The following ST6GAL2 variants were observed in gnomAD, a reference collection of about 807,000 sequenced individuals.
ST6GAL2 encodes the protein beta-galactoside alpha-2,6-sialyltransferase 2.
In ST6GAL2, 24 loss-of-function variants were observed where a neutral mutation model predicts 37.5. That is an observed-to-expected ratio of 0.64 (90% confidence interval 0.46 to 0.90). The LOEUF (loss-of-function observed/expected upper bound fraction) is 0.90. Ranked by LOEUF, ST6GAL2 falls within the 40% of genes least tolerant of loss-of-function variation. The probability of loss-of-function intolerance (pLI) is 0.00; values close to 1 mark genes in which losing one functional copy is unlikely to be tolerated. For missense variants in ST6GAL2, 715 were observed against 712.7 expected, an observed-to-expected ratio of 1.00 and a Z score of -0.04; for synonymous variants, 306 against 295.1, an observed-to-expected ratio of 1.04 and a Z score of -0.38.
At chr2:106,833,488 C>A (rs140949093) in intron 3 of ST6GAL2, among the ~76,000 whole-genome samples, 1 of 152,264 alleles carries the variant, frequency 6.6e-6, no homozygotes, top group African/African-American at 2.4e-5. Flanking sequence ...TCACTTTTTT[C>A]TACATATTTT....
intron 1 of ST6GAL2, among the ~76,000 whole-genome samples, chr2:106,864,006 C>T (rs1677917444): frequency 6.6e-6 from 1 of 152,182 alleles, no homozygotes; most frequent in Non-Finnish European, 1.5e-5. Context: ...GCCCATGATC[C>T]TGTCATGTCA....
In ST6GAL2 at chr2:106,843,254, G is replaced by A. The variant is rs371937457; in HGVS notation, c.724C>T (p.Arg242Trp). ...TGTGCCCTGCTCAGCCCGGCCTCCC[G>A]CTTCCCGCGGAAGCGCACCCCGTGC... ...NKHGVRFRGKREAGLSRAQLL... is the reference protein window; with the variant it reads ...NKHGVRFRGKWEAGLSRAQLL... The change falls in exon 2 of 6, where the codon CGG becomes TGG. Residue 242 changes from arginine to tryptophan, a missense_variant. By Grantham distance (101) the Arg-to-Trp change is moderately radical. Transcript: ENST00000409382. 2 of 1,595,370 alleles carry A rather than the reference G, an allele frequency of 1.3e-6. No homozygotes were observed. Among genetic ancestry groups the A allele is most frequent in the South Asian group, 1.1e-5 (1 of 89,176 alleles).
chr2:106,852,859 C>T (rs1249494331), intron 1 of ST6GAL2, among the ~76,000 whole-genome samples: 1 of 152,176 alleles, frequency 6.6e-6, no homozygotes, highest in Non-Finnish European at 1.5e-5. Context: ...TGCCACTGGC[C>T]AAATGCCTGT....
chr2:106,855,632 A>C (rs189415165), intron 1 of ST6GAL2, among the ~76,000 whole-genome samples: 1 of 149,838 alleles, frequency 6.7e-6, no homozygotes, highest in East Asian at 1.9e-4. Flanking sequence ...CAAAATATTA[A>C]TATGTGTTAC....
chr2:106,877,265 G>A (rs551282303), intron 1 of ST6GAL2, among the ~76,000 whole-genome samples: 1 of 152,308 alleles, frequency 6.6e-6, no homozygotes, highest in South Asian at 2.1e-4. Context: ...TGGTTTGGGG[G>A]CAATATTCCA....
intron 5 of ST6GAL2, among the ~76,000 whole-genome samples, chr2:106,819,248 T>C (rs1675912597): frequency 1.3e-5 from 2 of 151,578 alleles, no homozygotes; most frequent in South Asian, 4.2e-4. Context: ...TACAAGATTA[T>C]AGAACACCAA....
chr2:106,877,895 AACAG>A lies in ST6GAL2; in HGVS notation c.-58+8194_-58+8197del, dbSNP rs573959075. ...AGTTCAGTGAGGAACAGTTCTAAGGAACAGCCTTGTGACCAAGGTCCTACTGTCT... is the reference window on the plus strand; with the variant it reads ...AGTTCAGTGAGGAACAGTTCTAAGGACCTTGTGACCAAGGTCCTACTGTCT... On this transcript the variant is annotated intron_variant, in intron 1 of 5. Transcript: ENST00000409382. 5.9e-5 allele frequency among the ~76,000 whole-genome samples: 9 copies of A among 152,370 alleles called. No individual in the cohort carries two copies. In the East Asian group the frequency reaches 1.3e-3, roughly 23 times the overall value.
In ST6GAL2 at chr2:106,847,546, C is replaced by A. The variant is rs1677191905; in HGVS notation, c.-57-3512G>T. ...GGCCTCCAGGAGACTGCCCTCGTTT[C>A]ACATGCCAGCTGTGTGGATTTGCAT... On this transcript the variant is annotated intron_variant, in intron 1 of 5. Coordinates refer to ENST00000409382, the MANE Select transcript of ST6GAL2 (RefSeq NM_001142351.2). Among the ~76,000 whole-genome samples, 3 of 152,288 alleles carry A rather than the reference C, an allele frequency of 2.0e-5. No homozygotes were observed. In the South Asian group the frequency reaches 6.2e-4, roughly 32 times the overall value.
At chr2:106,883,493 T>C (rs1236541816) in intron 1 of ST6GAL2, among the ~76,000 whole-genome samples, 3 of 152,210 alleles carry the variant, frequency 2.0e-5, no homozygotes, top group Admixed American at 1.3e-4. Flanking sequence ...CAAATATGCA[T>C]CTGTGTTTCC....
chr2:106,821,017 T>G (rs1675982299), intron 5 of ST6GAL2, among the ~76,000 whole-genome samples: 1 of 151,950 alleles, frequency 6.6e-6, no homozygotes, highest in South Asian at 2.1e-4. Context: ...AGAGGAAAGT[T>G]TATAGCTATA....
At chr2:106,840,727 C>G (rs982398527) in intron 2 of ST6GAL2, among the ~76,000 whole-genome samples, 1 of 152,178 alleles carries the variant, frequency 6.6e-6, no homozygotes, top group African/African-American at 2.4e-5. Flanking sequence ...TTCACGTTCT[C>G]TTCCAAATTG....
At chr2:106,847,731 G>C (rs1025283621) in intron 1 of ST6GAL2, among the ~76,000 whole-genome samples, 1 of 152,192 alleles carries the variant, frequency 6.6e-6, no homozygotes, top group African/African-American at 2.4e-5. Flanking sequence ...AGTCAGGAAA[G>C]TACTAGATTT....
At chr2:106,868,024 T>TAA (rs1465776370) in intron 1 of ST6GAL2, among the ~76,000 whole-genome samples, 2 of 152,188 alleles carry the variant, frequency 1.3e-5, no homozygotes, top group Non-Finnish European at 2.9e-5. Flanking sequence ...CTATGCCACT[T>TAA]ACGCTGCTTA....
intron 5 of ST6GAL2, among the ~76,000 whole-genome samples, chr2:106,817,009 A>G (rs1324782244): frequency 6.6e-6 from 1 of 152,196 alleles, no homozygotes; most frequent in African/African-American, 2.4e-5. Flanking sequence ...GAACCTATGG[A>G]AGGAGCATTT....
chr2:106,869,278 G>C (rs938325951), intron 1 of ST6GAL2, among the ~76,000 whole-genome samples: 1 of 152,174 alleles, frequency 6.6e-6, no homozygotes, highest in African/African-American at 2.4e-5. Flanking sequence ...GGGGAAAGGG[G>C]TGTGGGCCTC....
At chr2:106,823,486 C>CACAGAG (rs755735360) in intron 5 of ST6GAL2, among the ~76,000 whole-genome samples, 12 of 118,012 alleles carry the variant, frequency 1.0e-4, no homozygotes, top group South Asian at 2.8e-4. Context: ...CACACACACA[C>CACAGAG]AGAGAGAGAG....
At chr2:106,863,809 GAT>G (rs1181093995) in intron 1 of ST6GAL2, among the ~76,000 whole-genome samples, 6 of 152,200 alleles carry the variant, frequency 3.9e-5, no homozygotes, top group Non-Finnish European at 7.3e-5. Context: ...GCTAGGAAGA[GAT>G]ATTATTATCA....
Position 106,884,236 on chromosome 2 carries a change from T to C in ST6GAL2, c.-58+1857A>G, listed in dbSNP as rs563746289. ...GCCACAACTCCCTAGACTCAACTTA[T>C]GTCTTCACCCCACAGAGTAAACCTT... On this transcript the variant is annotated intron_variant, in intron 1 of 5. Coordinates refer to ENST00000409382, the MANE Select transcript of ST6GAL2 (RefSeq NM_001142351.2). 1.1e-4 allele frequency among the ~76,000 whole-genome samples: 16 copies of C among 152,360 alleles called. No homozygotes were observed. The South Asian group carries it at 3.3e-3, about 32-fold the overall frequency.
chr2:106,854,687 G>C (rs1408890117), intron 1 of ST6GAL2, among the ~76,000 whole-genome samples: 4 of 152,038 alleles, frequency 2.6e-5, no homozygotes, highest in Non-Finnish European at 5.9e-5. Flanking sequence ...AGATAAACAC[G>C]AGTGTCTGAC....
Sources: gnomAD v4.1 joint callset for allele counts (sites outside exome capture counted in the v4.1 genomes callset) on GRCh38, gnomAD v4.1.1 for gene constraint, MANE v1.5 for transcripts, NCBI Gene and HGNC (gene_info 2026-07-23, HGNC 2026-07-21) for gene names.